LIMD1: variants seen among roughly 807,000 people sequenced by gnomAD.
LIMD1 encodes LIM domain containing 1.
In LIMD1, 23 loss-of-function variants were observed where a neutral mutation model predicts 58.4. The ratio of observed to expected loss-of-function variants is 0.39; its 90% CI spans 0.28 to 0.56. LIMD1 has a LOEUF of 0.56. Ranked by LOEUF, LIMD1 falls within the 20% of genes least tolerant of loss-of-function variation. LIMD1 has a pLI of 0.57. For synonymous variants in LIMD1, 334 were observed against 345.5 expected (o/e 0.97, Z 0.37); for missense variants, 838 against 855.5 (o/e 0.98, Z 0.25).
At chr3:45,645,530 C>T (rs13314983) in intron 2 of LIMD1, among the ~76,000 whole-genome samples, 76 of 152,218 alleles carry the variant, frequency 5.0e-4, no homozygotes, top group African/African-American at 1.8e-3. Flanking sequence ...TGATACTTGG[C>T]GGTGCCCAGG....
chr3:45,664,174 T>C (rs1697481914), intron 2 of LIMD1, among the ~76,000 whole-genome samples: 1 of 152,028 alleles, frequency 6.6e-6, no homozygotes. Context: ...CCCGGCCAAT[T>C]TTTGTACCTT....
At chr3:45,603,939 A>AG (rs1251028720) in intron 1 of LIMD1, among the ~76,000 whole-genome samples, 1 of 152,216 alleles carries the variant, frequency 6.6e-6, no homozygotes, top group Non-Finnish European at 1.5e-5. Context: ...ACCCAGATCA[A>AG]GGCAGAACAT....
intron 1 of LIMD1, among the ~76,000 whole-genome samples, chr3:45,628,986 C>A (rs58520152): frequency 2.6e-5 from 4 of 152,206 alleles, no homozygotes; most frequent in African/African-American, 9.6e-5. Flanking sequence ...TGACAGAAAG[C>A]AGATCAGTGG....
At chr3:45,653,281 G>A (rs1429413225) in intron 2 of LIMD1, among the ~76,000 whole-genome samples, 1 of 152,154 alleles carries the variant, frequency 6.6e-6, no homozygotes, top group Non-Finnish European at 1.5e-5. Context: ...AGCTCTGGTG[G>A]GTGTCATTTG....
At chr3:45,649,456 C>A (rs36047207) in intron 2 of LIMD1, among the ~76,000 whole-genome samples, 28,359 of 151,274 alleles carry the variant, frequency 0.19, 3,069 homozygotes, top group Non-Finnish European at 0.25. Context: ...CCGAGGCGGG[C>A]CAATCATGAG....
At chr3:45,659,199 G>A (rs1697392765) in intron 2 of LIMD1, among the ~76,000 whole-genome samples, 1 of 152,100 alleles carries the variant, frequency 6.6e-6, no homozygotes, top group African/African-American at 2.4e-5. Flanking sequence ...TTCTACCAGT[G>A]TTACCCACTG....
chr3:45,614,003 C>T (rs1701553487), intron 1 of LIMD1, among the ~76,000 whole-genome samples: 2 of 151,984 alleles, frequency 1.3e-5, no homozygotes, highest in Non-Finnish European at 2.9e-5. Context: ...TCTTGGGGGC[C>T]CTGCTTTACT....
chr3:45,618,293 G>A (rs1701593794), intron 1 of LIMD1, among the ~76,000 whole-genome samples: 1 of 152,198 alleles, frequency 6.6e-6, no homozygotes, highest in Admixed American at 6.5e-5. Flanking sequence ...TCACTTGGTA[G>A]ATGTTTATTG....
At chr3:45,601,126 G>A (rs900140425) in intron 1 of LIMD1, among the ~76,000 whole-genome samples, 1 of 152,188 alleles carries the variant, frequency 6.6e-6, no homozygotes, top group Non-Finnish European at 1.5e-5. Flanking sequence ...GGGTTTCCTG[G>A]GAAGCTGACT....
At chr3:45,626,060 G>T (rs540203258) in intron 1 of LIMD1, among the ~76,000 whole-genome samples, 1 of 152,192 alleles carries the variant, frequency 6.6e-6, no homozygotes, top group African/African-American at 2.4e-5. Flanking sequence ...ATCCTTGGTG[G>T]ATCATTGCCT....
In LIMD1 at chr3:45,648,404, A is replaced by T. The variant is rs117063875; in HGVS notation, c.1510+12153A>T. Among the ~76,000 whole-genome samples the T allele has an allele frequency of 2.0e-3, 302 of 152,340 alleles. 9 individuals carry two copies. In the East Asian group the frequency reaches 0.051, roughly 25 times the overall value. On this transcript the variant is annotated intron_variant, in intron 2 of 7. Coordinates refer to ENST00000273317, the MANE Select transcript of LIMD1 (RefSeq NM_014240.3). ...TGCATTCCAGGTTCATCCACGTTGT[A>T]GTATGAATCAGTATCTCATTTCTTT...
At chr3:45,659,593 C>CATAT (rs996852020) in intron 2 of LIMD1, among the ~76,000 whole-genome samples, 2 of 139,786 alleles carry the variant, frequency 1.4e-5, no homozygotes, top group African/African-American at 5.6e-5. Context: ...AAACCCCAAA[C>CATAT]ATATATATAT....
At position 45,681,916 on chromosome 3, in the gene LIMD1, T is replaced by C. The variant is rs1697750486; in HGVS notation, c.*4857T>C. The C allele has an allele frequency of 6.6e-6, 1 of 152,218 alleles. No homozygotes were observed. The highest frequency in any genetic ancestry group is 1.5e-5 in the Non-Finnish European group (1 of 68,050). 9.4% of individuals were successfully genotyped at this position (152,218 alleles called of 1,614,324 possible). ...CTCTCTTGTGAATGTTACTGTTTTTTCTCTTCTGAGGTTATGACCAAAGAA... is the reference window on the plus strand; with the variant it reads ...CTCTCTTGTGAATGTTACTGTTTTTCCTCTTCTGAGGTTATGACCAAAGAA... On this transcript the variant is annotated 3_prime_UTR_variant, in exon 8 of 8. Transcript: ENST00000273317.
At chr3:45,650,355 A>C (rs1701955102) in intron 2 of LIMD1, among the ~76,000 whole-genome samples, 1 of 152,086 alleles carries the variant, frequency 6.6e-6, no homozygotes, top group Non-Finnish European at 1.5e-5. Context: ...TTTAAATTAT[A>C]CTTTAAGTTC....
chr3:45,594,993 C>G lies in LIMD1; in HGVS notation c.114C>G (p.Asn38Lys). 1.4e-5 allele frequency: 22 copies of G among 1,614,054 alleles called. No homozygotes were observed. Among genetic ancestry groups the G allele is most frequent in the Non-Finnish European group, 1.9e-5 (22 of 1,180,044 alleles). The stretch of plus-strand genomic sequence containing the variant: ...GAGTGGACAAGGGTGCAGGCAACAA[C>G]CCCGAGTTTGAGGAAACTCGCAGGG... ...LFRVDKGAGNNPEFEETRRVF... is the reference protein window; with the variant it reads ...LFRVDKGAGNKPEFEETRRVF... The change falls in exon 1 of 8, where the codon AAC (asparagine) becomes AAG (lysine). Residue 38 changes from asparagine (N) to lysine (K), a missense_variant. Transcript: ENST00000273317.
chr3:45,613,502 G>A (rs576993061), intron 1 of LIMD1, among the ~76,000 whole-genome samples: 2 of 151,072 alleles, frequency 1.3e-5, no homozygotes, highest in Non-Finnish European at 2.9e-5. Context: ...ATTATCAATT[G>A]TGCTTTTGTT....
rs1205132207 is a variant in LIMD1 at position 45,595,912 on chromosome 3, C to T, written c.1033C>T (p.Leu345Phe). Residue 345 changes from leucine to phenylalanine, a missense_variant, in exon 1 of 8, where the codon CTT (leucine) becomes TTT (phenylalanine). Physicochemically the swap from Leu to Phe is conservative, Grantham distance 22. Coordinates refer to ENST00000273317, the MANE Select transcript of LIMD1 (RefSeq NM_014240.3). ...PWFQDGPKSY[L>F]SSSAPSSSPA... ...GTTCCAGGATGGGCCCAAATCTTAC[C>T]TTTCCAGTTCTGCCCCGTCATCCTC... is the stretch of plus-strand genomic sequence containing the variant. The T allele has an allele frequency of 4.3e-6, 7 of 1,614,224 alleles. No homozygotes were observed. Among genetic ancestry groups the T allele is most frequent in the African/African-American group, 1.3e-5 (1 of 75,056 alleles).
intron 2 of LIMD1, among the ~76,000 whole-genome samples, chr3:45,651,698 T>A (rs1701975793): frequency 6.6e-6 from 1 of 152,100 alleles, no homozygotes; most frequent in Non-Finnish European, 1.5e-5. Flanking sequence ...AGTGGCATGA[T>A]CTCAGCTCAG....
chr3:45,597,942 T>C (rs962496944), intron 1 of LIMD1, among the ~76,000 whole-genome samples: 1 of 152,218 alleles, frequency 6.6e-6, no homozygotes, highest in African/African-American at 2.4e-5. Flanking sequence ...AGGGTAGCTG[T>C]TTATGGCTTA....
Sources: allele counts gnomAD v4.1 joint callset (sites outside exome capture counted in the v4.1 genomes callset), GRCh38; gene constraint gnomAD v4.1.1; transcripts MANE v1.5; gene names NCBI Gene and HGNC (gene_info 2026-07-23, HGNC 2026-07-21).